Variants in XPO4 observed in about 807,000 individuals in gnomAD.
The protein encoded by XPO4 is exportin 4, also known as exportin-4.
A neutral mutation model predicts 143.0 loss-of-function variants in XPO4; 39 were observed. That is an observed-to-expected ratio of 0.27 (90% CI 0.21 to 0.36). The LOEUF (loss-of-function observed/expected upper bound fraction) is 0.36. XPO4 is among the 10% of genes least tolerant of loss of function. XPO4 has a pLI of 1.00. For synonymous variants in XPO4, 439 were observed against 474.0 expected, an observed-to-expected ratio of 0.93 and a Z score of 0.96; for missense variants, 907 against 1,348.0, an observed-to-expected ratio of 0.67 and a Z score of 5.12.
chr13:20,793,070 G>A (rs1339382637), intron 18 of XPO4, among the ~76,000 whole-genome samples: 4 of 152,134 alleles, frequency 2.6e-5, no homozygotes, highest in Non-Finnish European at 4.4e-5. Flanking sequence ...GATTACAGGC[G>A]TGAGCCACCA....
At chr13:20,868,887 G>C (rs1380333510) in intron 1 of XPO4, among the ~76,000 whole-genome samples, 186 bp from the exon 2 acceptor site, 1 of 151,874 alleles carries the variant, frequency 6.6e-6, no homozygotes, top group Non-Finnish European at 1.5e-5. Context: ...CATGGTTTCA[G>C]AAAAAAGGAA....
chr13:20,849,619 A>G (rs553629307), intron 4 of XPO4: 12 of 985,218 alleles, frequency 1.2e-5, no homozygotes, highest in Admixed American at 6.1e-5. Flanking sequence ...GGAAAACATC[A>G]TAACTGCCCA....
chr13:20,789,612 G>A (rs372559947), intron 19 of XPO4, among the ~76,000 whole-genome samples: 6 of 150,624 alleles, frequency 4.0e-5, no homozygotes, highest in African/African-American at 4.9e-5. Context: ...GTTTCACCAT[G>A]TTAGCCAGGA....
chr13:20,802,166 TCCTG>T (rs2059442687), intron 13 of XPO4, among the ~76,000 whole-genome samples: 2 of 152,130 alleles, frequency 1.3e-5, no homozygotes, highest in Non-Finnish European at 2.9e-5. Flanking sequence ...CAAGTGATCC[TCCTG>T]CCTGAGTTTC....
At chr13:20,882,038 A>T (rs2138160167) in intron 1 of XPO4, among the ~76,000 whole-genome samples, 1 of 150,224 alleles carries the variant, frequency 6.7e-6, no homozygotes, top group Middle Eastern at 3.4e-3. Context: ...TGAACCTGGA[A>T]GGTAGAGGTT....
intron 3 of XPO4, among the ~76,000 whole-genome samples, chr13:20,861,931 G>A (rs1320059921): frequency 6.6e-6 from 1 of 151,882 alleles, no homozygotes; most frequent in Non-Finnish European, 1.5e-5. Flanking sequence ...TGGGACTAGA[G>A]GCGTGTGCCA....
Position 20,809,278 on chromosome 13 carries a change from T to C in XPO4, c.1351-53A>G, listed in dbSNP as rs1220194264. 5.7e-6 allele frequency: 9 copies of C among 1,578,410 alleles called. No individual in the cohort carries two copies. The Admixed American group carries it at 1.1e-4, about 18-fold the overall frequency. On this transcript the variant is annotated intron_variant, in intron 10 of 22. Coordinates refer to ENST00000255305, the MANE Select transcript of XPO4 (RefSeq NM_022459.5). ...GAGGAACTGCATTGCCTATTCAACG[T>C]GCACTTCTGTGGCTCCATAACATAG...
At chr13:20,805,627 A>T (rs1230183446) in intron 13 of XPO4, among the ~76,000 whole-genome samples, 2 of 152,138 alleles carry the variant, frequency 1.3e-5, no homozygotes, top group Non-Finnish European at 2.9e-5. Context: ...CAACTACAAC[A>T]ATCCCTACTG....
intron 1 of XPO4, chr13:20,879,375 G>C (rs1595156640): frequency 2.1e-6 from 2 of 934,038 alleles, no homozygotes; most frequent in Middle Eastern, 5.5e-4. Flanking sequence ...AGATGGAAGA[G>C]CGTAAATTAC....
chr13:20,891,978 C>T (rs185323153), intron 1 of XPO4, among the ~76,000 whole-genome samples: 1 of 151,986 alleles, frequency 6.6e-6, no homozygotes, highest in East Asian at 1.9e-4. Flanking sequence ...ATGTTTCACA[C>T]TGCTGCCAGT....
At chr13:20,830,503 CACTATT>C (rs1209463525) in intron 6 of XPO4, among the ~76,000 whole-genome samples, 2 of 152,028 alleles carry the variant, frequency 1.3e-5, no homozygotes, top group Non-Finnish European at 2.9e-5. Context: ...CTAATAATAC[CACTATT>C]ATATACCATA....
At position 20,797,075 on chromosome 13, in the gene XPO4, G is replaced by A; in HGVS notation, c.2323-18C>T. The A allele has an allele frequency of 6.5e-7, 1 of 1,549,302 alleles. No individual in the cohort carries two copies. The highest frequency in any genetic ancestry group is 2.3e-5 in the East Asian group (1 of 44,126). On this transcript the variant is annotated intron_variant, in intron 16 of 22. Transcript: ENST00000255305. Reference sequence around the variant, plus strand: ...TGAAGAACCTATAAAAATAAACCAGGAATTTTCTTAAAGCTCAGTTCTCAT... The same window carrying A: ...TGAAGAACCTATAAAAATAAACCAGAAATTTTCTTAAAGCTCAGTTCTCAT...
At chr13:20,902,436 C>G in intron 1 of XPO4, 3 of 985,444 alleles carry the variant, frequency 3.0e-6, no homozygotes, top group Non-Finnish European at 3.6e-6. Flanking sequence ...ATTCCCACGC[C>G]CGACTGGGGT....
intron 1 of XPO4, among the ~76,000 whole-genome samples, chr13:20,880,774 T>C (rs1488577851): frequency 2.0e-5 from 3 of 152,028 alleles, no homozygotes; most frequent in Admixed American, 1.3e-4. Flanking sequence ...CTGGGAAACA[T>C]GGTGAAACCC....
intron 12 of XPO4, 29 bp from the exon 13 acceptor site, chr13:20,807,663 C>A: frequency 6.6e-7 from 1 of 1,516,850 alleles, no homozygotes; most frequent in Non-Finnish European, 8.8e-7. Flanking sequence ...TAAAAATGAA[C>A]ACTTAACAAA....
At chr13:20,854,384 T>C (rs1424794133) in intron 4 of XPO4, among the ~76,000 whole-genome samples, 2 of 152,168 alleles carry the variant, frequency 1.3e-5, no homozygotes, top group Admixed American at 6.5e-5. Flanking sequence ...GGACAATGTA[T>C]GTGGCCCTCC....
chr13:20,808,629 C>T (rs766570863), intron 11 of XPO4, 48 bp from the exon 12 acceptor site: 42 of 1,440,408 alleles, frequency 2.9e-5, no homozygotes, highest in Non-Finnish European at 3.8e-5. Flanking sequence ...TAAGCAAAGA[C>T]ATGGAACAAC....
At position 20,782,304 on chromosome 13, in the gene XPO4, TCTAC is replaced by T. The variant is rs1455831386; in HGVS notation, c.*1414_*1417del. 1 of 152,254 alleles carries T rather than the reference TCTAC, an allele frequency of 6.6e-6. No individual in the cohort carries two copies. The highest frequency in any genetic ancestry group is 1.5e-5 in the Non-Finnish European group (1 of 68,042). The allele number at this position is 152,254 out of a possible 1,614,324, so 9.4% of individuals were successfully genotyped here. On this transcript the variant is annotated 3_prime_UTR_variant, in exon 23 of 23. Coordinates refer to ENST00000255305, the MANE Select transcript of XPO4 (RefSeq NM_022459.5). ...CATGAGTGCACCTGTGCCAGAGTCC[TCTAC>T]CTGTCACTGTGCTGTGAAAGTACTG...
chr13:20,807,810 C>A (rs1432583418), intron 12 of XPO4, among the ~76,000 whole-genome samples, 176 bp from the exon 13 acceptor site: 3 of 152,032 alleles, frequency 2.0e-5, no homozygotes, highest in Non-Finnish European at 2.9e-5. Flanking sequence ...AGATAAGTAA[C>A]CCTCAAAACT....
Sources: gnomAD v4.1 joint callset for allele counts (sites outside exome capture counted in the v4.1 genomes callset) on GRCh38, gnomAD v4.1.1 for gene constraint, MANE v1.5 for transcripts, NCBI Gene and HGNC (gene_info 2026-07-23, HGNC 2026-07-21) for gene names.